The following SBNO1 variants were observed in gnomAD, a reference collection of about 807,000 sequenced individuals.
SBNO1 encodes the protein strawberry notch homolog 1.
In SBNO1, 23 loss-of-function variants were observed where a neutral mutation model predicts 173.6. The observed-to-expected ratio is 0.13, with a 90% CI of 0.10 to 0.19. The LOEUF (loss-of-function observed/expected upper bound fraction) is 0.19. SBNO1 is among the 10% of genes least tolerant of loss of function. The pLI is 1.00. For missense variants in SBNO1, 1,238 were observed against 1,671.2 expected, an observed-to-expected ratio of 0.74 and a Z score of 4.52; for synonymous variants, 632 against 571.5, an observed-to-expected ratio of 1.11 and a Z score of -1.51.
At chr12:123,332,215 T>C (rs972783246) in intron 7 of SBNO1, among the ~76,000 whole-genome samples, 7 of 152,186 alleles carry the variant, frequency 4.6e-5, no homozygotes, top group African/African-American at 1.4e-4. Flanking sequence ...CACCAGGTAA[T>C]GAAAGTTAAC....
chr12:123,349,511 C>T (rs190963025), intron 2 of SBNO1, among the ~76,000 whole-genome samples: 2 of 137,280 alleles, frequency 1.5e-5, no homozygotes, highest in African/African-American at 7.0e-5. Flanking sequence ...CACAAGAACA[C>T]TAAACATCTC....
intron 21 of SBNO1, 152 bp from the exon 22 acceptor site, chr12:123,315,812 TA>T: frequency 6.8e-6 from 4 of 586,584 alleles, no homozygotes; most frequent in Non-Finnish European, 9.1e-6. Flanking sequence ...ATAACACACA[TA>T]AAACTGCTCA....
intron 9 of SBNO1, among the ~76,000 whole-genome samples, chr12:123,330,036 T>A (rs936941697): frequency 1.3e-5 from 2 of 152,226 alleles, no homozygotes; most frequent in Non-Finnish European, 2.9e-5. Flanking sequence ...ACATCGCATA[T>A]GATTTGGTGA....
At chr12:123,336,692 CTCTG>C (rs1341434901) in intron 5 of SBNO1, among the ~76,000 whole-genome samples, 11 of 152,202 alleles carry the variant, frequency 7.2e-5, no homozygotes, top group Non-Finnish European at 1.6e-4. Context: ...TGAGGTCCTA[CTCTG>C]TCTCTTACCC....
intron 26 of SBNO1, 55 bp downstream of exon 26, chr12:123,309,655 C>A: frequency 6.2e-7 from 1 of 1,602,628 alleles, no homozygotes; most frequent in East Asian, 2.2e-5. Context: ...TAAAGAATTT[C>A]TCCACTCCAC....
At chr12:123,319,713 C>A (rs1376057065) in intron 20 of SBNO1, among the ~76,000 whole-genome samples, 187 bp downstream of exon 20, 2 of 151,378 alleles carry the variant, frequency 1.3e-5, no homozygotes. Context: ...CCAGCCAATA[C>A]TTACTATATT....
rs1474328935 is a variant in SBNO1 at position 123,295,035 on chromosome 12, C to T, written c.*873G>A. Reference sequence around the variant, plus strand: ...GATGAAAGCCAATTTGTACTTCCTTCTAAAACTACCTTTAAGTTGCAAATG... The same window carrying T: ...GATGAAAGCCAATTTGTACTTCCTTTTAAAACTACCTTTAAGTTGCAAATG... On this transcript the variant is annotated 3_prime_UTR_variant, in exon 32 of 32. Coordinates refer to ENST00000602398, the MANE Select transcript of SBNO1 (RefSeq NM_001167856.3). 6.6e-6 allele frequency: 1 copy of T among 152,210 alleles called. No homozygotes were observed. Among genetic ancestry groups the T allele is most frequent in the African/African-American group, 2.4e-5 (1 of 41,448 alleles). The allele number at this position is 152,210 out of a possible 1,614,324, so 9.4% of individuals were successfully genotyped here. A position where few individuals can be genotyped will look rare whatever the true frequency, so the allele number is the denominator to read the frequency against.
chr12:123,346,382 T>A (rs1873142045), intron 3 of SBNO1, among the ~76,000 whole-genome samples: 1 of 152,168 alleles, frequency 6.6e-6, no homozygotes, highest in Non-Finnish European at 1.5e-5. Flanking sequence ...AGTCTACTAT[T>A]GGCCGGGCGC....
rs747743762 is a variant in SBNO1, at chr12:123,328,903, AG to A, written c.1135-9del. Reference sequence around the variant, plus strand: ...AATTTTTCCGTATTTAAACTAAAAAAGAAAAGAAAAGAATTTAGTTAATTAG... The same window carrying A: ...AATTTTTCCGTATTTAAACTAAAAAAAAAAGAAAAGAATTTAGTTAATTAG... On this transcript the variant is annotated splice_polypyrimidine_tract_variant and intron_variant, in intron 9 of 31. Coordinates refer to ENST00000602398, the MANE Select transcript of SBNO1 (RefSeq NM_001167856.3). The A allele has an allele frequency of 1.4e-6, 2 of 1,463,604 alleles. No homozygotes were observed. The highest frequency in any genetic ancestry group is 1.3e-5 in the South Asian group (1 of 79,532). The allele number at this position is 1,463,604 out of a possible 1,614,324, so 90.7% of individuals were successfully genotyped here. A position where few individuals can be genotyped will look rare whatever the true frequency, so the allele number is the denominator to read the frequency against.
chr12:123,331,486 G>T, intron 7 of SBNO1, 111 bp from the exon 8 acceptor site: 1 of 962,112 alleles, frequency 1.0e-6, no homozygotes, highest in South Asian at 1.8e-5. Flanking sequence ...TTTTGTATAT[G>T]TATTTTGTGA....
chr12:123,321,846 T>A, intron 16 of SBNO1, 114 bp from the exon 17 acceptor site: 1 of 854,976 alleles, frequency 1.2e-6, no homozygotes, highest in Non-Finnish European at 1.8e-6. Context: ...GAAAAGTATT[T>A]AGGTTAAGTC....
intron 24 of SBNO1, among the ~76,000 whole-genome samples, chr12:123,313,201 AAAATAAATAAATAAATAAATAAAT>A (rs370130754): frequency 1.8e-4 from 25 of 138,328 alleles, no homozygotes; most frequent in Admixed American, 3.1e-4. Context: ...ACTCGGTCTT[AAAATAAATAAATAAATAAATAAAT>A]AAATAAATAA....
At chr12:123,339,616 G>A (rs781690326) in intron 5 of SBNO1, among the ~76,000 whole-genome samples, 16 of 151,888 alleles carry the variant, frequency 1.1e-4, no homozygotes, top group African/African-American at 1.9e-4. Context: ...GTAAAACCCC[G>A]TCTCTACTAA....
chr12:123,331,604 C>T (rs1871217198), intron 7 of SBNO1, among the ~76,000 whole-genome samples: 1 of 152,110 alleles, frequency 6.6e-6, no homozygotes, highest in African/African-American at 2.4e-5. Flanking sequence ...TCACTGCAAT[C>T]TCTGCCTCCC....
intron 1 of SBNO1, chr12:123,364,364 A>G (rs1371003907): frequency 1.0e-6 from 1 of 984,872 alleles, no homozygotes; most frequent in Non-Finnish European, 1.2e-6. Flanking sequence ...AACCCAGCGG[A>G]GCCGGCGTGC....
chr12:123,340,301 C>T (rs1046068717), intron 5 of SBNO1, among the ~76,000 whole-genome samples: 1 of 152,100 alleles, frequency 6.6e-6, no homozygotes, highest in Non-Finnish European at 1.5e-5. Flanking sequence ...TCTAACCAGG[C>T]CGGGTGCAGT....
intron 25 of SBNO1, among the ~76,000 whole-genome samples, chr12:123,310,253 C>A (rs181210520): frequency 1.3e-5 from 2 of 152,148 alleles, no homozygotes; most frequent in Admixed American, 1.3e-4. Context: ...TTTCTTGAGA[C>A]GGAGTCTTGC....
intron 5 of SBNO1, 127 bp downstream of exon 5, chr12:123,340,861 T>C: frequency 1.5e-6 from 1 of 650,494 alleles, no homozygotes; most frequent in Non-Finnish European, 2.7e-6. Flanking sequence ...ATCCATTAGT[T>C]CCCACGCCTG....
rs2048667906 is a variant in SBNO1 at position 123,298,190 on chromosome 12, A to T, written c.3846-19T>A. 6.2e-7 allele frequency: 1 copy of T among 1,608,706 alleles called. No homozygotes were observed. Among genetic ancestry groups the T allele is most frequent in the Non-Finnish European group, 8.5e-7 (1 of 1,177,908 alleles). On this transcript the variant is annotated intron_variant, in intron 30 of 31. Coordinates refer to ENST00000602398, the MANE Select transcript of SBNO1 (RefSeq NM_001167856.3). ...GCCGCGCCTAAGAAAAATGGGAAAG[A>T]AATACATATGAGTGTCTATATATGC...
Sources: allele counts gnomAD v4.1 joint callset (sites outside exome capture counted in the v4.1 genomes callset), GRCh38; gene constraint gnomAD v4.1.1; transcripts MANE v1.5; gene names NCBI Gene and HGNC (gene_info 2026-07-23, HGNC 2026-07-21).